Variants in DAB1 observed in about 807,000 individuals in gnomAD.
DAB1 encodes DAB adaptor protein 1.
In DAB1, 15 loss-of-function variants were observed where a neutral mutation model predicts 64.6. The observed-to-expected ratio is 0.23, with a 90% CI of 0.16 to 0.36. DAB1 has a LOEUF of 0.36. Among genes scored for constraint, DAB1 ranks in the 10% least tolerant of loss-of-function variants. The pLI, the probability that DAB1 is intolerant of heterozygous loss-of-function variation, is 1.00. For missense variants in DAB1, 596 were observed against 706.7 expected (o/e 0.84, Z 1.78); for synonymous variants, 235 against 251.9 (o/e 0.93, Z 0.64).
intron 5 of DAB1, among the ~76,000 whole-genome samples, chr1:58,130,706 T>C (rs1240973899): frequency 1.3e-5 from 2 of 151,712 alleles, no homozygotes; most frequent in Non-Finnish European, 1.5e-5. Flanking sequence ...TTATTTCTCC[T>C]TCACTTATGA....
At chr1:57,814,819 T>G (rs1049630588) in intron 6 of DAB1, among the ~76,000 whole-genome samples, 2 of 152,126 alleles carry the variant, frequency 1.3e-5, no homozygotes, top group Admixed American at 6.5e-5. Context: ...GTGTTTCCAG[T>G]CCAGGCCTGC....
At chr1:58,294,523 G>A (rs1423138117) in intron 4 of DAB1, among the ~76,000 whole-genome samples, 6 of 152,032 alleles carry the variant, frequency 3.9e-5, no homozygotes, top group Admixed American at 3.9e-4. Context: ...ACAGTCTTAA[G>A]GATATACAAA....
intron 3 of DAB1, among the ~76,000 whole-genome samples, chr1:58,411,410 T>C (rs1644667171): frequency 6.6e-6 from 1 of 152,186 alleles, no homozygotes; most frequent in Admixed American, 6.6e-5. Flanking sequence ...ATTACAAGCA[T>C]TTATACATAG....
chr1:57,126,517 GT>G (rs562811803), intron 4 of DAB1, among the ~76,000 whole-genome samples: 19 of 152,272 alleles, frequency 1.2e-4, no homozygotes, highest in African/African-American at 4.1e-4. Flanking sequence ...TCCCAAAATT[GT>G]TGTGGCTAGC....
intron 6 of DAB1, among the ~76,000 whole-genome samples, chr1:57,754,608 A>G (rs1648713645): frequency 6.6e-6 from 1 of 152,134 alleles, no homozygotes; most frequent in African/African-American, 2.4e-5. Context: ...ATCGCTTGAA[A>G]AAAAACGGGA....
intron 2 of DAB1, among the ~76,000 whole-genome samples, chr1:57,243,750 C>A (rs559865363): frequency 6.6e-6 from 1 of 152,300 alleles, no homozygotes; most frequent in South Asian, 2.1e-4. Context: ...GCACTGCCTA[C>A]ACCATGAGAC....
chr1:57,338,526 G>A (rs1677289801), intron 1 of DAB1, among the ~76,000 whole-genome samples: 1 of 152,148 alleles, frequency 6.6e-6, no homozygotes, highest in African/African-American at 2.4e-5. Context: ...CTGAACCCAA[G>A]GATATAAGGC....
chr1:58,232,317 G>A (rs2100354179), intron 4 of DAB1, among the ~76,000 whole-genome samples: 1 of 152,234 alleles, frequency 6.6e-6, no homozygotes, highest in South Asian at 2.1e-4. Context: ...AGCTAGAAGT[G>A]GTCTTCCTTC....
intron 7 of DAB1, among the ~76,000 whole-genome samples, chr1:57,472,502 CT>C (rs1687175175): frequency 6.6e-6 from 1 of 152,354 alleles, no homozygotes; most frequent in African/African-American, 2.4e-5. Context: ...AGATCAACCC[CT>C]GATCTAATCG....
intron 7 of DAB1, among the ~76,000 whole-genome samples, chr1:57,462,215 C>T (rs946688081): frequency 3.3e-5 from 5 of 152,076 alleles, no homozygotes; most frequent in African/African-American, 1.2e-4. Flanking sequence ...TCCCAAAGTG[C>T]TGGGATTACA....
intron 2 of DAB1, among the ~76,000 whole-genome samples, chr1:57,259,498 T>C (rs150243420): frequency 6.6e-6 from 1 of 152,208 alleles, no homozygotes; most frequent in East Asian, 1.9e-4. Flanking sequence ...AGAAGACTAT[T>C]CCAAGACTGG....
chr1:57,101,320 A>G (rs1256634050), intron 4 of DAB1, among the ~76,000 whole-genome samples: 1 of 152,264 alleles, frequency 6.6e-6, no homozygotes. Flanking sequence ...AAAACCAGTA[A>G]CAAATTAAGG....
At chr1:57,835,185 A>G (rs1218642247) in intron 1 of DAB1, among the ~76,000 whole-genome samples, 1 of 152,186 alleles carries the variant, frequency 6.6e-6, no homozygotes, top group Non-Finnish European at 1.5e-5. Context: ...CTTAGACTAA[A>G]GAACAGTGGC....
chr1:57,309,010 C>T (rs1327850566), intron 1 of DAB1, among the ~76,000 whole-genome samples: 3 of 152,148 alleles, frequency 2.0e-5, no homozygotes, highest in Non-Finnish European at 2.9e-5. Flanking sequence ...GAATGCGGCC[C>T]AACACAAATT....
At chr1:57,669,613 C>T (rs1016769065) in intron 6 of DAB1, among the ~76,000 whole-genome samples, 1 of 152,146 alleles carries the variant, frequency 6.6e-6, no homozygotes, top group African/African-American at 2.4e-5. Flanking sequence ...TAGCAGCTGT[C>T]TGACGCAATA....
intron 4 of DAB1, among the ~76,000 whole-genome samples, chr1:58,327,028 T>C (rs1023889183): frequency 4.6e-5 from 7 of 152,204 alleles, no homozygotes; most frequent in African/African-American, 1.4e-4. Context: ...ACCATAAGTA[T>C]TGAGAATCCC....
In DAB1 at chr1:57,977,387, A is replaced by G. The variant is rs6695118; in HGVS notation, n.388-93225T>C. Among the ~76,000 whole-genome samples, 429 of 152,310 alleles carry G rather than the reference A, an allele frequency of 2.8e-3. 4 individuals are homozygous for G. The highest frequency in any genetic ancestry group is 9.6e-3 in the African/African-American group (398 of 41,574). ...AAGCATTCCTCTCCTCTTTAGAGGA[A>G]GAAAATAATAGACTGACTTCATTTG... On this transcript the variant is annotated intron_variant and non_coding_transcript_variant, in intron 5 of 20. Coordinates refer to the DAB1 transcript ENST00000485760.
At chr1:57,684,274 C>T (rs967694791) in intron 6 of DAB1, among the ~76,000 whole-genome samples, 1 of 151,794 alleles carries the variant, frequency 6.6e-6, no homozygotes, top group Non-Finnish European at 1.5e-5. Context: ...TACAGTTGAC[C>T]CTGGCTAGAT....
chr1:57,723,028 C>T (rs1262266590), intron 6 of DAB1, among the ~76,000 whole-genome samples: 1 of 152,164 alleles, frequency 6.6e-6, no homozygotes, highest in East Asian at 1.9e-4. Flanking sequence ...TCATGGCCTG[C>T]TGGATAAAAA....
Sources: gnomAD v4.1 joint callset for allele counts (sites outside exome capture counted in the v4.1 genomes callset) on GRCh38, gnomAD v4.1.1 for gene constraint, MANE v1.5 for transcripts, NCBI Gene and HGNC (gene_info 2026-07-23, HGNC 2026-07-21) for gene names.